Variants in ANKFN1 observed in about 807,000 individuals in gnomAD.
The protein encoded by ANKFN1 is ankyrin repeat and fibronectin type III domain containing 1.
In ANKFN1, 74 loss-of-function variants were observed where a neutral mutation model predicts 108.7. The observed-to-expected ratio is 0.68, with a 90% CI of 0.56 to 0.83. The LOEUF is 0.83. ANKFN1 is among the 40% of genes least tolerant of loss of function. ANKFN1 has a pLI of 0.00. For missense variants in ANKFN1, 1,505 were observed against 1,382.3 expected (o/e 1.09, Z -1.41); for synonymous variants, 547 against 516.2 (o/e 1.06, Z -0.81).
chr17:56,080,599 T>C (rs1905234059), intron 4 of ANKFN1, among the ~76,000 whole-genome samples: 1 of 152,346 alleles, frequency 6.6e-6, no homozygotes, highest in Non-Finnish European at 1.5e-5. Flanking sequence ...TAATCCTCCC[T>C]ATACTCCTAA....
chr17:56,424,676 T>C (rs1346085670), intron 8 of ANKFN1, among the ~76,000 whole-genome samples: 1 of 152,176 alleles, frequency 6.6e-6, no homozygotes, highest in South Asian at 2.1e-4. Context: ...TTGGGTCTGC[T>C]TTTGCCTGAC....
intron 4 of ANKFN1, among the ~76,000 whole-genome samples, chr17:56,140,030 C>T (rs1907825237): frequency 6.6e-6 from 1 of 152,238 alleles, no homozygotes; most frequent in Non-Finnish European, 1.5e-5. Flanking sequence ...TGACCACTTT[C>T]CTAAGTTCAA....
At chr17:56,176,130 C>G (rs1004083515) in intron 1 of ANKFN1, among the ~76,000 whole-genome samples, 5 of 152,044 alleles carry the variant, frequency 3.3e-5, no homozygotes, top group Admixed American at 3.3e-4. Context: ...GCCAGCTTGG[C>G]ACCAACTTAA....
chr17:56,389,008 CAAAAAAA>C (rs61666228), intron 8 of ANKFN1, among the ~76,000 whole-genome samples: 1 of 92,996 alleles, frequency 1.1e-5, no homozygotes, highest in African/African-American at 4.0e-5. Flanking sequence ...TTGGCAATTT[CAAAAAAA>C]AAAAAAAAAA....
chr17:56,077,903 A>G (rs1567782435), intron 4 of ANKFN1, among the ~76,000 whole-genome samples: 1 of 152,026 alleles, frequency 6.6e-6, no homozygotes, highest in Admixed American at 6.6e-5. Flanking sequence ...TAAATACATC[A>G]TCTCGTTTAA....
intron 4 of ANKFN1, among the ~76,000 whole-genome samples, chr17:56,139,746 TTTC>T (rs1269686712): frequency 6.6e-6 from 1 of 152,178 alleles, no homozygotes; most frequent in Non-Finnish European, 1.5e-5. Flanking sequence ...GTATAGGACA[TTTC>T]TTCCTATTCT....
At chr17:56,458,285 C>G (rs957342800) in intron 14 of ANKFN1, among the ~76,000 whole-genome samples, 2 of 152,098 alleles carry the variant, frequency 1.3e-5, no homozygotes, top group Non-Finnish European at 2.9e-5. Flanking sequence ...CGACTCAGTT[C>G]TCCTCTCTGG....
intron 4 of ANKFN1, among the ~76,000 whole-genome samples, chr17:56,335,821 C>T (rs371602777): frequency 6.6e-6 from 1 of 152,162 alleles, no homozygotes; most frequent in Non-Finnish European, 1.5e-5. Flanking sequence ...CTTCCAGTTT[C>T]TGCCCATTCA....
At chr17:56,103,024 G>T (rs895100663) in intron 4 of ANKFN1, among the ~76,000 whole-genome samples, 2 of 152,206 alleles carry the variant, frequency 1.3e-5, no homozygotes, top group African/African-American at 2.4e-5. Flanking sequence ...ATGAGCATCT[G>T]CTGTTTGGTA....
At position 56,499,117 on chromosome 17, in the gene ANKFN1, A is replaced by C. The variant is rs1295081188; in HGVS notation, c.2644+19A>C. On this transcript the variant is annotated intron_variant, in intron 20 of 20. Coordinates refer to ENST00000682825, the MANE Select transcript of ANKFN1 (RefSeq NM_001370326.1). ...GTGAGTGGTAAGCAATGAGATCTGAAGTTCTGTTGTTTAGTCCCTGGACTT... is the reference window on the plus strand; with the variant it reads ...GTGAGTGGTAAGCAATGAGATCTGACGTTCTGTTGTTTAGTCCCTGGACTT... 6.5e-7 allele frequency: 1 copy of C among 1,533,794 alleles called. No homozygotes were observed. Among genetic ancestry groups the C allele is most frequent in the Non-Finnish European group, 8.7e-7 (1 of 1,145,256 alleles).
intron 3 of ANKFN1, among the ~76,000 whole-genome samples, chr17:56,314,223 A>T (rs769700226): frequency 6.6e-6 from 1 of 152,184 alleles, no homozygotes; most frequent in Non-Finnish European, 1.5e-5. Flanking sequence ...GTTTTAACTA[A>T]GACTGCTATA....
chr17:56,344,136 T>G (rs2046034342), intron 4 of ANKFN1, among the ~76,000 whole-genome samples: 1 of 152,026 alleles, frequency 6.6e-6, no homozygotes, highest in African/African-American at 2.4e-5. Context: ...TTTCTGTACA[T>G]GCCTCATACA....
intron 4 of ANKFN1, among the ~76,000 whole-genome samples, chr17:56,118,827 A>G (rs2143285891): frequency 6.6e-6 from 1 of 152,262 alleles, no homozygotes; most frequent in South Asian, 2.1e-4. Flanking sequence ...TTATGAGCAA[A>G]AGAGATTTGG....
intron 15 of ANKFN1, chr17:56,471,689 A>G (rs2050322497): frequency 6.6e-6 from 1 of 152,256 alleles, no homozygotes; most frequent in African/African-American, 2.4e-5. Context: ...ATATCCATAT[A>G]ATGGAATATT....
chr17:56,127,316 AATTTT>A (rs1906996391), intron 4 of ANKFN1, among the ~76,000 whole-genome samples: 1 of 151,640 alleles, frequency 6.6e-6, no homozygotes, highest in African/African-American at 2.4e-5. Flanking sequence ...CCTTTTTTAA[AATTTT>A]ATTTTACTTT....
At chr17:56,353,774 G>C in intron 5 of ANKFN1, 62 bp from the exon 6 acceptor site, 3 of 1,478,614 alleles carry the variant, frequency 2.0e-6, no homozygotes, top group Non-Finnish European at 2.8e-6. Flanking sequence ...CTTCAAAAGA[G>C]CTAAGCTACA....
intron 3 of ANKFN1, among the ~76,000 whole-genome samples, chr17:56,246,017 T>C (rs904635756): frequency 3.9e-5 from 6 of 152,196 alleles, no homozygotes; most frequent in Non-Finnish European, 7.3e-5. Context: ...ATAGCATCTC[T>C]TTATAGACAC....
At chr17:56,411,018 G>A (rs549401375) in intron 8 of ANKFN1, among the ~76,000 whole-genome samples, 3 of 152,148 alleles carry the variant, frequency 2.0e-5, no homozygotes, top group Non-Finnish European at 4.4e-5. Flanking sequence ...ACAAATTTTA[G>A]GGTTGTTTCT....
intron 6 of ANKFN1, among the ~76,000 whole-genome samples, chr17:56,364,247 T>A (rs964083004): frequency 3.9e-5 from 6 of 152,052 alleles, no homozygotes; most frequent in African/African-American, 1.4e-4. Flanking sequence ...AAAAAAGAAA[T>A]GTGTCTAGTG....
Sources: allele counts gnomAD v4.1 joint callset (sites outside exome capture counted in the v4.1 genomes callset), GRCh38; gene constraint gnomAD v4.1.1; transcripts MANE v1.5; gene names NCBI Gene and HGNC (gene_info 2026-07-23, HGNC 2026-07-21).